The following SEC14L5 variants were observed in gnomAD, a reference collection of about 807,000 sequenced individuals.
SEC14L5 encodes the protein SEC14 like lipid binding 5.
In SEC14L5, 96 loss-of-function variants were observed where a neutral mutation model predicts 84.6. The ratio of observed to expected loss-of-function variants is 1.13; its 90% CI spans 0.96 to 1.34. SEC14L5 has a LOEUF of 1.34. Among genes scored for constraint, SEC14L5 ranks in the 40% most tolerant of loss-of-function variants. The probability of loss-of-function intolerance (pLI) is 0.00; values close to 1 mark genes in which losing one functional copy is unlikely to be tolerated. For missense variants in SEC14L5, 1,224 were observed against 942.5 expected (o/e 1.30, Z -3.91); for synonymous variants, 546 against 383.4 (o/e 1.42, Z -4.95).
At chr16:4,999,220 G>A (rs1955648886) in intron 8 of SEC14L5, among the ~76,000 whole-genome samples, 1 of 152,204 alleles carries the variant, frequency 6.6e-6, no homozygotes. Flanking sequence ...CACCCAAAGT[G>A]CTCCACTAGC....
intron 2 of SEC14L5, among the ~76,000 whole-genome samples, chr16:4,974,103 T>G (rs2939951): frequency 0.99 from 150,567 of 152,218 alleles, 74,490 homozygotes; most frequent in East Asian, 1. Flanking sequence ...GGAGATGGGG[T>G]TGACTTCTGA....
intron 2 of SEC14L5, among the ~76,000 whole-genome samples, chr16:4,985,273 T>G (rs1596625617): frequency 6.6e-6 from 1 of 152,228 alleles, no homozygotes; most frequent in African/African-American, 2.4e-5. Context: ...TCGCCCAGGC[T>G]GGAGTGCAAT....
At chr16:4,997,289 G>T (rs558223165) in intron 8 of SEC14L5, among the ~76,000 whole-genome samples, 1 of 152,186 alleles carries the variant, frequency 6.6e-6, no homozygotes, top group Non-Finnish European at 1.5e-5. Context: ...TAGTAGAGAT[G>T]AGGTTTTGCC....
At chr16:5,003,594 C>A (rs1955700540) in intron 11 of SEC14L5, 21 bp downstream of exon 11, 3 of 934,674 alleles carry the variant, frequency 3.2e-6, no homozygotes, top group African/African-American at 4.4e-5. Context: ...GAGCCTGGGC[C>A]AGGACTCTCC....
intron 14 of SEC14L5, 141 bp from the exon 15 acceptor site, chr16:5,010,954 T>G: frequency 1.4e-6 from 1 of 726,948 alleles, no homozygotes; most frequent in Non-Finnish European, 2.2e-6. Flanking sequence ...ACAGGAGGAG[T>G]TGCTGGTGGA....
At chr16:5,013,750 G>T (rs970794435) in intron 15 of SEC14L5, among the ~76,000 whole-genome samples, 3 of 151,844 alleles carry the variant, frequency 2.0e-5, no homozygotes, top group Admixed American at 6.6e-5. Context: ...GTGGAGACAG[G>T]TTTCGCCATG....
At position 5,005,983 on chromosome 16, in the gene SEC14L5, C is replaced by A. The variant is rs768284105; in HGVS notation, c.1372C>A (p.Pro458Thr). The change falls in exon 12 of 16, where the codon CCC (proline) becomes ACC (threonine). Residue 458 changes from proline to threonine, a missense_variant. Pro to Thr is a conservative substitution (Grantham distance 38). Transcript: ENST00000251170. ...CTACAGTGGCAGCAACTACCAGGGA[C>A]CCGGAGGCCTTGTGGACTATCTGGA... The part of the protein sequence containing the change: ...LIYSGSNYQG[P>T]GGLVDYLDRE... 6.2e-7 allele frequency: 1 copy of A among 1,613,552 alleles called. No individual in the cohort carries two copies. Among genetic ancestry groups the A allele is most frequent in the East Asian group, 2.2e-5 (1 of 44,880 alleles).
chr16:4,992,621 C>T (rs564778571), intron 6 of SEC14L5, among the ~76,000 whole-genome samples: 1 of 152,336 alleles, frequency 6.6e-6, no homozygotes, highest in East Asian at 1.9e-4. Flanking sequence ...TCTGGTTTTA[C>T]TATTTACTAA....
chr16:4,988,578 C>G (rs1054823791), intron 4 of SEC14L5, among the ~76,000 whole-genome samples: 5 of 152,056 alleles, frequency 3.3e-5, no homozygotes, highest in African/African-American at 1.2e-4. Context: ...ATCTGACAAC[C>G]CTATCCTCTC....
intron 2 of SEC14L5, among the ~76,000 whole-genome samples, chr16:4,962,728 G>T (rs8059811): frequency 6.7e-6 from 1 of 149,200 alleles, no homozygotes; most frequent in Non-Finnish European, 1.5e-5. Flanking sequence ...CTGTACCTGC[G>T]TTAATTTAAG....
intron 2 of SEC14L5, among the ~76,000 whole-genome samples, chr16:4,967,880 T>A (rs1053806123): frequency 2.0e-5 from 3 of 151,330 alleles, no homozygotes; most frequent in African/African-American, 7.3e-5. Context: ...GTGCTGTGAT[T>A]ACAGGCGTGA....
At chr16:4,972,976 T>A (rs527553893) in intron 2 of SEC14L5, among the ~76,000 whole-genome samples, 1 of 152,304 alleles carries the variant, frequency 6.6e-6, no homozygotes, top group East Asian at 1.9e-4. Flanking sequence ...GTCTATTGAG[T>A]GTTGACTATG....
intron 2 of SEC14L5, among the ~76,000 whole-genome samples, chr16:4,972,224 A>T (rs1291425135): frequency 6.6e-6 from 1 of 152,088 alleles, no homozygotes; most frequent in African/African-American, 2.4e-5. Context: ...GCTGGTCTCA[A>T]ACTCCCGGCT....
At chr16:4,978,738 A>G (rs1021885178) in intron 2 of SEC14L5, among the ~76,000 whole-genome samples, 4 of 151,758 alleles carry the variant, frequency 2.6e-5, no homozygotes, top group Admixed American at 2.0e-4. Flanking sequence ...GAGTAGCTGG[A>G]ACTACAGGCG....
chr16:5,003,505 T>C lies in SEC14L5; in HGVS notation c.1234T>C (p.Tyr412His). ...GATGATTGAGGTGGTTGAGGACAAT[T>C]ACCCAGAGACCCTGGGTCGGCTGCT... Reference protein sequence around the residue: ...LRMIEVVEDNYPETLGRLLIV... With the variant: ...LRMIEVVEDNHPETLGRLLIV... The change falls in exon 11 of 16, where the codon TAC becomes CAC. Residue 412 changes from tyrosine to histidine, a missense_variant. Tyr to His is a moderately conservative substitution (Grantham distance 83, BLOSUM62 2). Coordinates refer to ENST00000251170, the MANE Select transcript of SEC14L5 (RefSeq NM_014692.2). The C allele has an allele frequency of 6.3e-7, 1 of 1,594,980 alleles. No individual in the cohort carries two copies. Among genetic ancestry groups the C allele is most frequent in the Non-Finnish European group, 8.6e-7 (1 of 1,169,418 alleles).
intron 10 of SEC14L5, among the ~76,000 whole-genome samples, 162 bp from the exon 11 acceptor site, chr16:5,003,240 A>C (rs115411448): frequency 2.0e-5 from 3 of 152,200 alleles, no homozygotes; most frequent in Non-Finnish European, 4.4e-5. Flanking sequence ...TGAAGTCCAC[A>C]GTCTGATCCT....
intron 10 of SEC14L5, among the ~76,000 whole-genome samples, chr16:5,001,204 C>G (rs924437948): frequency 6.6e-6 from 1 of 150,578 alleles, no homozygotes; most frequent in African/African-American, 2.4e-5. Flanking sequence ...GCTTCTAGCT[C>G]GAAGACTTTA....
In SEC14L5 at chr16:4,996,962, G is replaced by T. The variant is rs534092870; in HGVS notation, c.888G>T (p.Gln296His). 1 of 1,613,720 alleles carries T rather than the reference G, an allele frequency of 6.2e-7. No homozygotes were observed. The highest frequency in any genetic ancestry group is 8.5e-7 in the Non-Finnish European group (1 of 1,179,758). The change falls in exon 8 of 16, where the codon CAG (glutamine) becomes CAT (histidine). Residue 296 changes from glutamine to histidine, a missense_variant. Coordinates refer to ENST00000251170, the MANE Select transcript of SEC14L5 (RefSeq NM_014692.2). ...RQSLSWRKQH[Q>H]VDLLLQTWQP... ...CCTTGAGCTGGCGCAAGCAGCACCA[G>T]GTGGATCTCCTCCTTCAGACCTGGC...
intron 2 of SEC14L5, among the ~76,000 whole-genome samples, chr16:4,987,116 C>T (rs892670547): frequency 6.6e-6 from 1 of 151,982 alleles, no homozygotes; most frequent in African/African-American, 2.4e-5. Flanking sequence ...GGAAAGCACT[C>T]ATTCACCAGG....
Sources: allele counts gnomAD v4.1 joint callset (sites outside exome capture counted in the v4.1 genomes callset), GRCh38; gene constraint gnomAD v4.1.1; transcripts MANE v1.5; gene names NCBI Gene and HGNC (gene_info 2026-07-23, HGNC 2026-07-21).